LRRN1: variants seen among roughly 807,000 people sequenced by gnomAD.
LRRN1 encodes the protein leucine-rich repeat neuronal protein 1.
In LRRN1, 14 loss-of-function variants were observed where a neutral mutation model predicts 45.8. The ratio of observed to expected loss-of-function variants is 0.31; its 90% confidence interval spans 0.20 to 0.48. The LOEUF (loss-of-function observed/expected upper bound fraction) is 0.48, where lower values mean the gene tolerates loss of function less well. LRRN1 is among the 20% of genes least tolerant of loss of function. The pLI is 0.99. For missense variants in LRRN1, 789 were observed against 874.2 expected (o/e 0.90, Z 1.23); for synonymous variants, 359 against 330.1 (o/e 1.09, Z -0.95).
intron 1 of LRRN1, among the ~76,000 whole-genome samples, chr3:3,812,993 C>A (rs1051428248): frequency 6.6e-6 from 1 of 152,136 alleles, no homozygotes; most frequent in Non-Finnish European, 1.5e-5. Context: ...TGTAGTGAAC[C>A]TCTCATTATG....
chr3:3,832,007 G>A (rs1455961501), intron 1 of LRRN1, among the ~76,000 whole-genome samples: 1 of 152,218 alleles, frequency 6.6e-6, no homozygotes, highest in East Asian at 1.9e-4. Flanking sequence ...TGCATACCAG[G>A]TACCAGGAGA....
intron 1 of LRRN1, among the ~76,000 whole-genome samples, chr3:3,827,082 A>G (rs951195717): frequency 1.3e-5 from 2 of 152,182 alleles, no homozygotes; most frequent in African/African-American, 4.8e-5. Context: ...AAATAATAGT[A>G]GCTAACATCT....
chr3:3,835,988 G>T (rs1259045063), intron 1 of LRRN1, among the ~76,000 whole-genome samples: 1 of 151,994 alleles, frequency 6.6e-6, no homozygotes, highest in South Asian at 2.1e-4. Context: ...TCTTTAAACT[G>T]CCAGACTTCT....
chr3:3,843,892 C>G (rs190893395), intron 1 of LRRN1, among the ~76,000 whole-genome samples: 229 of 152,276 alleles, frequency 1.5e-3, no homozygotes, highest in African/African-American at 5.2e-3. Context: ...CTTTAATAAA[C>G]TACCTTTCAT....
chr3:3,838,853 AT>A (rs1201171372), intron 1 of LRRN1, among the ~76,000 whole-genome samples: 1 of 152,074 alleles, frequency 6.6e-6, no homozygotes, highest in Non-Finnish European at 1.5e-5. Flanking sequence ...CCCTTCACCC[AT>A]TTTTTAATAA....
chr3:3,830,549 G>A (rs1475310117), intron 1 of LRRN1, among the ~76,000 whole-genome samples: 4 of 152,196 alleles, frequency 2.6e-5, no homozygotes, highest in Admixed American at 2.6e-4. Flanking sequence ...AGAACCATCT[G>A]TGAACCAGGC....
intron 1 of LRRN1, among the ~76,000 whole-genome samples, chr3:3,804,435 T>C (rs1241824758): frequency 6.6e-6 from 1 of 152,208 alleles, no homozygotes; most frequent in Non-Finnish European, 1.5e-5. Context: ...GCGGAGAATC[T>C]AGGGGTGAAC....
intron 1 of LRRN1, among the ~76,000 whole-genome samples, chr3:3,833,726 C>G (rs1237708417): frequency 3.3e-5 from 5 of 152,160 alleles, no homozygotes; most frequent in African/African-American, 1.2e-4. Flanking sequence ...TCAGGCAGCG[C>G]AGGGTTTGTC....
intron 1 of LRRN1, among the ~76,000 whole-genome samples, chr3:3,828,711 G>A (rs932554890): frequency 2.6e-5 from 4 of 152,008 alleles, no homozygotes; most frequent in African/African-American, 9.7e-5. Flanking sequence ...GTTACATAAA[G>A]TTAACAATAC....
At chr3:3,808,217 C>T (rs1215361257) in intron 1 of LRRN1, among the ~76,000 whole-genome samples, 2 of 140,302 alleles carry the variant, frequency 1.4e-5, no homozygotes, top group African/African-American at 2.5e-5. Flanking sequence ...CAGAGCCCAC[C>T]ATTTTTCCTA....
At chr3:3,817,988 T>C (rs1339531008) in intron 1 of LRRN1, among the ~76,000 whole-genome samples, 1 of 152,256 alleles carries the variant, frequency 6.6e-6, no homozygotes, top group Non-Finnish European at 1.5e-5. Flanking sequence ...ATTAGCCGCC[T>C]ACATGTTGGC....
At chr3:3,820,296 C>G (rs1186697751) in intron 1 of LRRN1, among the ~76,000 whole-genome samples, 1 of 152,176 alleles carries the variant, frequency 6.6e-6, no homozygotes, top group Non-Finnish European at 1.5e-5. Flanking sequence ...ATTCAACAGT[C>G]ATTTTCGAGT....
chr3:3,834,195 C>T (rs1693434232), intron 1 of LRRN1, among the ~76,000 whole-genome samples: 1 of 151,996 alleles, frequency 6.6e-6, no homozygotes, highest in Non-Finnish European at 1.5e-5. Flanking sequence ...AGCAACCAAC[C>T]AGCTTCATTG....
intron 1 of LRRN1, among the ~76,000 whole-genome samples, chr3:3,825,154 A>AT (rs1273218763): frequency 6.6e-6 from 1 of 151,740 alleles, no homozygotes. Flanking sequence ...TGCTTTTTAC[A>AT]TTTTCTGTTG....
intron 1 of LRRN1, chr3:3,822,892 G>A (rs1192926938): frequency 1.3e-5 from 2 of 152,122 alleles, no homozygotes; most frequent in East Asian, 1.9e-4. Context: ...AGACTTTGCT[G>A]TGCACCTGTA....
chr3:3,812,332 T>C (rs1316614492), intron 1 of LRRN1, among the ~76,000 whole-genome samples: 1 of 152,128 alleles, frequency 6.6e-6, no homozygotes. Flanking sequence ...GAGAAGACCT[T>C]CCTAAAGAAC....
intron 1 of LRRN1, among the ~76,000 whole-genome samples, chr3:3,824,072 G>C (rs1279596426): frequency 3.3e-5 from 5 of 152,168 alleles, no homozygotes; most frequent in Non-Finnish European, 4.4e-5. Context: ...CTACCTGAGA[G>C]TCAGATAGGA....
intron 1 of LRRN1, among the ~76,000 whole-genome samples, chr3:3,825,062 C>G (rs1349821503): frequency 6.6e-6 from 1 of 152,176 alleles, no homozygotes; most frequent in Non-Finnish European, 1.5e-5. Flanking sequence ...TCATAGACAC[C>G]CTTCCCGTCT....
At chr3:3,817,365 T>C (rs115251896) in intron 1 of LRRN1, among the ~76,000 whole-genome samples, 1,860 of 152,318 alleles carry the variant, frequency 0.012, 36 homozygotes, top group African/African-American at 0.041. Flanking sequence ...ATGGCGTTAC[T>C]TTGCTTCTTT....
Sources: allele counts gnomAD v4.1 joint callset (sites outside exome capture counted in the v4.1 genomes callset), GRCh38; gene constraint gnomAD v4.1.1; transcripts MANE v1.5; gene names NCBI Gene and HGNC (gene_info 2026-07-23, HGNC 2026-07-21).